CAMK4: variants seen among roughly 807,000 people sequenced by gnomAD.
CAMK4 encodes calcium/calmodulin dependent protein kinase IV.
A neutral mutation model predicts 44.9 loss-of-function variants in CAMK4; 22 were observed. The ratio of observed to expected loss-of-function variants is 0.49; its 90% CI spans 0.35 to 0.70. The LOEUF is 0.70. Ranked by LOEUF, CAMK4 falls within the 30% of genes least tolerant of loss-of-function variation. The pLI is 0.01. For synonymous variants in CAMK4, 218 were observed against 215.4 expected (o/e 1.01, Z -0.11); for missense variants, 498 against 586.8 (o/e 0.85, Z 1.56).
intron 1 of CAMK4, among the ~76,000 whole-genome samples, chr5:111,230,075 C>T (rs746862369): frequency 6.6e-6 from 1 of 152,074 alleles, no homozygotes; most frequent in Non-Finnish European, 1.5e-5. Flanking sequence ...AGGTCTTGGT[C>T]CTGATGTCGT....
chr5:111,471,961 G>A (rs934080899), intron 7 of CAMK4, among the ~76,000 whole-genome samples: 6 of 151,804 alleles, frequency 4.0e-5, no homozygotes, highest in African/African-American at 1.2e-4. Flanking sequence ...GTGCAGCGGC[G>A]CCATCTCTGC....
intron 1 of CAMK4, among the ~76,000 whole-genome samples, chr5:111,314,730 T>G (rs1313424855): frequency 6.6e-6 from 1 of 152,092 alleles, no homozygotes; most frequent in Non-Finnish European, 1.5e-5. Flanking sequence ...ATAAGTGTCT[T>G]GTTAATACGT....
rs540495109 is a variant in CAMK4 at position 111,396,631 on chromosome 5, C to CTTTTTTTTTTTTTTT, written c.459+1862_459+1876dup. Among the ~76,000 whole-genome samples, 392 of 47,026 alleles carry CTTTTTTTTTTTTTTT rather than the reference C, an allele frequency of 8.3e-3. 107 individuals carry two copies. Among genetic ancestry groups the CTTTTTTTTTTTTTTT allele is most frequent in the Non-Finnish European group, 9.9e-3 (276 of 27,866 alleles). 30.9% of individuals were successfully genotyped at this position (47,026 alleles called of 152,430 possible). A position where few individuals can be genotyped will look rare whatever the true frequency, so the allele number is the denominator to read the frequency against. On this transcript the variant is annotated intron_variant, in intron 5 of 10. Coordinates refer to ENST00000282356, the MANE Select transcript of CAMK4 (RefSeq NM_001744.6). ...ACTTTAATTGCCATTAACTCATATT[C>CTTTTTTTTTTTTTTT]TTTTTTTTTTTTTTTTTTTTTTTTT...
intron 1 of CAMK4, among the ~76,000 whole-genome samples, chr5:111,343,078 A>G (rs1415207141): frequency 1.3e-5 from 2 of 151,670 alleles, no homozygotes; most frequent in Non-Finnish European, 3.0e-5. Context: ...TACTTTGTGT[A>G]TATGTCATAC....
intron 1 of CAMK4, among the ~76,000 whole-genome samples, chr5:111,272,742 T>C (rs1750568819): frequency 2.0e-5 from 3 of 152,184 alleles, no homozygotes; most frequent in African/African-American, 7.2e-5. Context: ...GACGCTTTGA[T>C]AGAAAGGAGG....
chr5:111,419,451 G>T (rs948725991), intron 5 of CAMK4, among the ~76,000 whole-genome samples: 9 of 152,230 alleles, frequency 5.9e-5, no homozygotes, highest in African/African-American at 2.2e-4. Flanking sequence ...AATTTAATTA[G>T]ATCCCATTTG....
intron 5 of CAMK4, among the ~76,000 whole-genome samples, chr5:111,416,134 G>T (rs2112905489): frequency 6.6e-6 from 1 of 152,186 alleles, no homozygotes; most frequent in South Asian, 2.1e-4. Context: ...TTAAATATTT[G>T]CTGGAATAAA....
At chr5:111,414,274 A>G (rs989397889) in intron 5 of CAMK4, among the ~76,000 whole-genome samples, 2 of 152,212 alleles carry the variant, frequency 1.3e-5, no homozygotes, top group South Asian at 2.1e-4. Flanking sequence ...TCTTTGTACC[A>G]GTAGATTCTG....
chr5:111,325,433 G>A (rs949790031), intron 1 of CAMK4, among the ~76,000 whole-genome samples: 1 of 152,034 alleles, frequency 6.6e-6, no homozygotes, highest in Non-Finnish European at 1.5e-5. Flanking sequence ...TTGAGGGATT[G>A]CCACACTGTC....
At chr5:111,461,153 A>T (rs1754628604) in intron 7 of CAMK4, among the ~76,000 whole-genome samples, 1 of 152,184 alleles carries the variant, frequency 6.6e-6, no homozygotes, top group Non-Finnish European at 1.5e-5. Flanking sequence ...GTTTCAAAAC[A>T]CCTAACTTTT....
intron 1 of CAMK4, among the ~76,000 whole-genome samples, chr5:111,314,430 A>G (rs187194136): frequency 1.1e-3 from 169 of 152,240 alleles, no homozygotes; most frequent in African/African-American, 3.9e-3. Context: ...ATAACAGTGC[A>G]TATATTGTTC....
rs1197077749 is a variant in CAMK4 at position 111,489,884 on chromosome 5, A to G, written c.*5418A>G. On this transcript the variant is annotated 3_prime_UTR_variant, in exon 11 of 11. Coordinates refer to ENST00000282356, the MANE Select transcript of CAMK4 (RefSeq NM_001744.6). ...AGTGTTTTGTTCCATCCCTATGGTCATCTCTAAAGCCCTGACAGGAGCATC... is the reference window on the plus strand; with the variant it reads ...AGTGTTTTGTTCCATCCCTATGGTCGTCTCTAAAGCCCTGACAGGAGCATC... 3 of 152,306 alleles carry G rather than the reference A, an allele frequency of 2.0e-5. No homozygotes were observed. The East Asian group carries it at 5.8e-4, about 29-fold the overall frequency. The allele number at this position is 152,306 out of a possible 1,614,324, so 9.4% of individuals were successfully genotyped here. A position where few individuals can be genotyped will look rare whatever the true frequency, so the allele number is the denominator to read the frequency against.
At chr5:111,373,702 G>A (rs1037593306) in intron 2 of CAMK4, among the ~76,000 whole-genome samples, 1 of 152,076 alleles carries the variant, frequency 6.6e-6, no homozygotes, top group Non-Finnish European at 1.5e-5. Flanking sequence ...CAGTCTCTTG[G>A]ATATGCCTAT....
intron 5 of CAMK4, among the ~76,000 whole-genome samples, chr5:111,438,419 A>T (rs914826669): frequency 6.6e-6 from 1 of 152,238 alleles, no homozygotes; most frequent in African/African-American, 2.4e-5. Context: ...TATCTGTCAT[A>T]TTCAAATCAC....
chr5:111,361,478 A>C (rs1750588196), intron 2 of CAMK4, among the ~76,000 whole-genome samples: 1 of 152,018 alleles, frequency 6.6e-6, no homozygotes, highest in Non-Finnish European at 1.5e-5. Flanking sequence ...ATAATTTAAA[A>C]ATCTTGGTCA....
At chr5:111,321,732 A>G (rs1748672097) in intron 1 of CAMK4, among the ~76,000 whole-genome samples, 1 of 152,174 alleles carries the variant, frequency 6.6e-6, no homozygotes, top group Non-Finnish European at 1.5e-5. Context: ...TTGACATAGT[A>G]TAATTATATC....
chr5:111,481,791 C>T (rs1755443118), intron 9 of CAMK4, among the ~76,000 whole-genome samples: 1 of 152,168 alleles, frequency 6.6e-6, no homozygotes, highest in Non-Finnish European at 1.5e-5. Flanking sequence ...AGCTACCCTG[C>T]TTCCCTCATT....
At chr5:111,480,289 C>CACACA (rs70973611) in intron 9 of CAMK4, among the ~76,000 whole-genome samples, 21 of 148,108 alleles carry the variant, frequency 1.4e-4, no homozygotes, top group South Asian at 4.3e-4. Flanking sequence ...CACACACACA[C>CACACA]CCCTGGGTAA....
At chr5:111,312,644 A>G (rs529063963) in intron 1 of CAMK4, among the ~76,000 whole-genome samples, 1 of 152,268 alleles carries the variant, frequency 6.6e-6, no homozygotes, top group South Asian at 2.1e-4. Context: ...ATACAAATGA[A>G]TGATACTTCA....
Sources: allele counts gnomAD v4.1 joint callset (sites outside exome capture counted in the v4.1 genomes callset), GRCh38; gene constraint gnomAD v4.1.1; transcripts MANE v1.5; gene names NCBI Gene and HGNC (gene_info 2026-07-23, HGNC 2026-07-21).